Variants in RIMKLA observed in about 807,000 individuals in gnomAD.
RIMKLA encodes the protein N-acetylaspartylglutamate synthase A.
Under a neutral mutation model 32.7 loss-of-function variants are expected in RIMKLA, and 14 were observed. The observed-to-expected ratio is 0.43, with a 90% confidence interval of 0.28 to 0.67. The LOEUF is 0.67. Among genes scored for constraint, RIMKLA ranks in the 30% least tolerant of loss-of-function variants. The pLI is 0.18. For synonymous variants in RIMKLA, 176 were observed against 204.1 expected (o/e 0.86, Z 1.18); for missense variants, 410 against 519.0 (o/e 0.79, Z 2.04).
intron 1 of RIMKLA, among the ~76,000 whole-genome samples, chr1:42,386,426 A>C (rs1444491245): frequency 6.6e-6 from 1 of 151,470 alleles, no homozygotes; most frequent in African/African-American, 2.4e-5. Context: ...GCCTCACCTC[A>C]CTCCAGCCGC....
At position 42,419,029 on chromosome 1, in the gene RIMKLA, T is replaced by C. The variant is rs1391865697; in HGVS notation, c.*4055T>C. 6.6e-6 allele frequency: 1 copy of C among 152,242 alleles called. No individual in the cohort carries two copies. The highest frequency in any genetic ancestry group is 1.5e-5 in the Non-Finnish European group (1 of 68,048). The allele number at this position is 152,242 out of a possible 1,614,324, so 9.4% of individuals were successfully genotyped here. A position where few individuals can be genotyped will look rare whatever the true frequency, so the allele number is the denominator to read the frequency against. On this transcript the variant is annotated 3_prime_UTR_variant, in exon 5 of 5. Coordinates refer to ENST00000431473, the MANE Select transcript of RIMKLA (RefSeq NM_173642.4). ...TCACTGTCCCTAAAGTGAATGTTCA[T>C]AGATCTGGGACTGTTTTTGACTGTA... is the stretch of plus-strand genomic sequence containing the variant.
At chr1:42,402,042 G>A (rs1643101526) in intron 2 of RIMKLA, among the ~76,000 whole-genome samples, 1 of 152,188 alleles carries the variant, frequency 6.6e-6, no homozygotes, top group Non-Finnish European at 1.5e-5. Flanking sequence ...GCGGGAAGCT[G>A]GGAGTTCCCT....
intron 3 of RIMKLA, among the ~76,000 whole-genome samples, chr1:42,409,223 A>G (rs1019344984): frequency 4.8e-5 from 7 of 145,780 alleles, no homozygotes; most frequent in Non-Finnish European, 7.6e-5. Flanking sequence ...AAAAAAAAAA[A>G]AAAAAAAAGC....
At chr1:42,406,112 A>G (rs1163897884) in intron 3 of RIMKLA, among the ~76,000 whole-genome samples, 1 of 152,222 alleles carries the variant, frequency 6.6e-6, no homozygotes, top group East Asian at 1.9e-4. Flanking sequence ...GGCTTTGGGG[A>G]TACAGATAAA....
intron 1 of RIMKLA, among the ~76,000 whole-genome samples, chr1:42,387,458 G>A (rs1414587759): frequency 6.6e-6 from 1 of 152,060 alleles, no homozygotes; most frequent in Non-Finnish European, 1.5e-5. Flanking sequence ...ATTACTTTGT[G>A]TTGAGGAACT....
At chr1:42,382,366 T>C (rs1348785692) in intron 1 of RIMKLA, among the ~76,000 whole-genome samples, 3 of 152,224 alleles carry the variant, frequency 2.0e-5, no homozygotes, top group Admixed American at 1.3e-4. Flanking sequence ...AGATGTGAAT[T>C]CCTATTACAG....
chr1:42,402,423 C>T (rs979836986), intron 2 of RIMKLA, among the ~76,000 whole-genome samples: 9 of 151,988 alleles, frequency 5.9e-5, no homozygotes, highest in Non-Finnish European at 1.3e-4. Context: ...GAGAGGTGAC[C>T]GAGGAGGAAG....
intron 1 of RIMKLA, among the ~76,000 whole-genome samples, chr1:42,387,998 T>A (rs12136336): frequency 6.6e-6 from 1 of 151,860 alleles, no homozygotes; most frequent in Non-Finnish European, 1.5e-5. Context: ...GAGGTAAGGA[T>A]GCAAGCTGTT....
At chr1:42,384,044 TGGA>T (rs910364329) in intron 1 of RIMKLA, among the ~76,000 whole-genome samples, 7 of 152,200 alleles carry the variant, frequency 4.6e-5, no homozygotes, top group African/African-American at 1.7e-4. Flanking sequence ...AATATGATGG[TGGA>T]GTTGATTGGG....
At chr1:42,397,839 T>C (rs1333448093) in intron 1 of RIMKLA, among the ~76,000 whole-genome samples, 1 of 152,238 alleles carries the variant, frequency 6.6e-6, no homozygotes, top group Admixed American at 6.5e-5. Context: ...GCCCTACTCA[T>C]GCCATATCCT....
chr1:42,386,828 T>C (rs1268803816), intron 1 of RIMKLA, among the ~76,000 whole-genome samples: 5 of 151,372 alleles, frequency 3.3e-5, no homozygotes, highest in Non-Finnish European at 5.9e-5. Context: ...GAGGTTGCAG[T>C]GAGCTGAGAT....
At chr1:42,399,259 TTTC>T (rs1643074034) in intron 1 of RIMKLA, 142 bp from the exon 2 acceptor site, 1 of 612,284 alleles carries the variant, frequency 1.6e-6, no homozygotes, top group Admixed American at 3.0e-5. Context: ...GCCTATAGAG[TTTC>T]CTTGTACACC....
At chr1:42,403,851 C>A (rs1643121338) in intron 2 of RIMKLA, among the ~76,000 whole-genome samples, 1 of 152,156 alleles carries the variant, frequency 6.6e-6, no homozygotes, top group African/African-American at 2.4e-5. Flanking sequence ...GGTCTTCTTC[C>A]AAGCTGCCTG....
intron 4 of RIMKLA, chr1:42,412,497 G>C: frequency 2.4e-6 from 1 of 418,514 alleles, no homozygotes; most frequent in Non-Finnish European, 4.7e-6. Context: ...TCAGTACAGT[G>C]AAACCAAACT....
Position 42,414,521 on chromosome 1 carries a change from C to T in RIMKLA, c.723C>T (p.Gly241=). The T allele has an allele frequency of 1.2e-6, 2 of 1,614,210 alleles. No individual in the cohort carries two copies. Among genetic ancestry groups the T allele is most frequent in the Non-Finnish European group, 8.5e-7 (1 of 1,180,030 alleles). The part of the protein sequence containing the change: ...VGVKCPLTEQ[G]KQLAIQVSNI... ...TCAAGTGTCCGCTGACAGAACAAGG[C>T]AAGCAGTTGGCTATTCAGGTGTCCA... Residue 241 remains glycine (G), a synonymous_variant, in exon 5 of 5, where the codon GGC becomes GGT. Coordinates refer to ENST00000431473, the MANE Select transcript of RIMKLA (RefSeq NM_173642.4).
Position 42,395,327 on chromosome 1 carries a change from A to G in RIMKLA, c.164-4077A>G, listed in dbSNP as rs1344931541. 2.7e-5 allele frequency among the ~76,000 whole-genome samples: 4 copies of G among 149,348 alleles called. No individual in the cohort carries two copies. The South Asian group carries it at 8.4e-4, about 32-fold the overall frequency. ...TTGATCTTTTTTCCACTAATATTTCATTGACCTATTTGGGGACAGAGTGGT... is the reference window on the plus strand; with the variant it reads ...TTGATCTTTTTTCCACTAATATTTCGTTGACCTATTTGGGGACAGAGTGGT... On this transcript the variant is annotated intron_variant, in intron 1 of 4. Coordinates refer to ENST00000431473, the MANE Select transcript of RIMKLA (RefSeq NM_173642.4).
At chr1:42,390,361 G>A (rs1275948203) in intron 1 of RIMKLA, among the ~76,000 whole-genome samples, 1 of 152,160 alleles carries the variant, frequency 6.6e-6, no homozygotes, top group Non-Finnish European at 1.5e-5. Flanking sequence ...TAAAGAAGGG[G>A]TAAATAATGG....
intron 2 of RIMKLA, 35 bp downstream of exon 2, chr1:42,399,669 G>T: frequency 1.5e-6 from 2 of 1,302,776 alleles, no homozygotes; most frequent in Non-Finnish European, 2.2e-6. Context: ...CAAATCATGT[G>T]CATCTCTGTT....
chr1:42,387,878 AAAG>A (rs1267160411), intron 1 of RIMKLA, among the ~76,000 whole-genome samples: 2 of 126,326 alleles, frequency 1.6e-5, no homozygotes, highest in Admixed American at 7.7e-5. Context: ...AGCAAGAAAA[AAAG>A]AAGAAAACAG....
Sources: gnomAD v4.1 joint callset for allele counts (sites outside exome capture counted in the v4.1 genomes callset) on GRCh38, gnomAD v4.1.1 for gene constraint, MANE v1.5 for transcripts, NCBI Gene and HGNC (gene_info 2026-07-23, HGNC 2026-07-21) for gene names.